The following NPEPPS variants were observed in gnomAD, a reference collection of about 807,000 sequenced individuals.
The protein encoded by NPEPPS is aminopeptidase puromycin sensitive.
Under a neutral mutation model 115.5 loss-of-function variants are expected in NPEPPS, and 14 were observed. The ratio of observed to expected loss-of-function variants is 0.12; its 90% CI spans 0.08 to 0.19. NPEPPS has a LOEUF of 0.19. NPEPPS is among the 10% of genes least tolerant of loss of function. The probability of loss-of-function intolerance (pLI) is 1.00; values close to 1 mark genes in which losing one functional copy is unlikely to be tolerated. For missense variants in NPEPPS, 523 were observed against 1,110.8 expected (o/e 0.47, Z 7.52); for synonymous variants, 285 against 390.6 (o/e 0.73, Z 3.19).
At chr17:47,571,087 T>A (rs1911163525) in intron 3 of NPEPPS, among the ~76,000 whole-genome samples, 1 of 152,206 alleles carries the variant, frequency 6.6e-6, no homozygotes. Context: ...GATATATATC[T>A]ATATAGTGAA....
At position 47,605,468 on chromosome 17, in the gene NPEPPS, T is replaced by G; in HGVS notation, c.2011T>G (p.Phe671Val). The change falls in exon 17 of 23, where the codon TTC becomes GTC. Residue 671 changes from phenylalanine (F) to valine (V), a missense_variant. Around this residue, in one of 4 missense-constraint regions of NPEPPS, gnomAD observed 372 missense variants for 542.6 expected, o/e 0.69. Transcript: ENST00000322157. ...CTCAACTCTCTTGTCCCACACAGAC[T>G]TCTATGAGGAAATCCAGGAGTTTGT... ...ILSTLLSHTD[F>V]YEEIQEFVKD... The G allele has an allele frequency of 6.2e-7, 1 of 1,608,226 alleles. No individual in the cohort carries two copies. Among genetic ancestry groups the G allele is most frequent in the East Asian group, 2.2e-5 (1 of 44,836 alleles).
chr17:47,588,459 G>A (rs1912320074), intron 9 of NPEPPS, among the ~76,000 whole-genome samples: 1 of 151,838 alleles, frequency 6.6e-6, no homozygotes, highest in African/African-American at 2.4e-5. Flanking sequence ...AGCTACTCTG[G>A]AGGTTGAGGC....
At chr17:47,584,550 A>C (rs951439082) in intron 5 of NPEPPS, among the ~76,000 whole-genome samples, 6 of 152,206 alleles carry the variant, frequency 3.9e-5, no homozygotes, top group African/African-American at 7.2e-5. Context: ...TATTCTTAGA[A>C]GAGGAGGCTA....
Position 47,592,540 on chromosome 17 carries a change from C to T in NPEPPS, c.1421C>T (p.Ala474Val). 1 of 1,594,438 alleles carries T rather than the reference C, an allele frequency of 6.3e-7. No homozygotes were observed. Among genetic ancestry groups the T allele is most frequent in the South Asian group, 1.1e-5 (1 of 87,664 alleles). The change falls in exon 12 of 23, where the codon GCC becomes GTC. Residue 474 changes from alanine (A) to valine (V), a missense_variant. Around this residue, in one of 4 missense-constraint regions of NPEPPS, gnomAD observed 372 missense variants for 542.6 expected, o/e 0.69. Coordinates refer to ENST00000322157, the MANE Select transcript of NPEPPS (RefSeq NM_006310.4). ...ACCAAGTTCCAACAAAAGAATGCTG[C>T]CACAGGTAATCTCTAATAGCTTGAG... ...YLTKFQQKNAATEDLWESLEN... is the reference protein window; with the variant it reads ...YLTKFQQKNAVTEDLWESLEN...
intron 13 of NPEPPS, among the ~76,000 whole-genome samples, 171 bp from the exon 14 acceptor site, chr17:47,599,505 C>A (rs1238151413): frequency 1.3e-5 from 2 of 152,184 alleles, no homozygotes; most frequent in East Asian, 3.8e-4. Flanking sequence ...TTGGACTTTT[C>A]TCTTTAGTAT....
rs1405332797 is a variant in NPEPPS at position 47,560,828 on chromosome 17, A to G, written c.341-8589A>G. Among the ~76,000 whole-genome samples the G allele has an allele frequency of 2.0e-5, 3 of 152,364 alleles. No homozygotes were observed. The East Asian group carries it at 5.8e-4, about 29-fold the overall frequency. ...AAGTTGCTATCTGAATAAAAAAACA[A>G]AACAAAACCTCACAATGTGTTTGAT... On this transcript the variant is annotated intron_variant, in intron 2 of 22. Coordinates refer to ENST00000322157, the MANE Select transcript of NPEPPS (RefSeq NM_006310.4).
intron 2 of NPEPPS, among the ~76,000 whole-genome samples, chr17:47,552,805 TA>T (rs1474049802): frequency 6.6e-6 from 1 of 152,194 alleles, no homozygotes; most frequent in Non-Finnish European, 1.5e-5. Context: ...TTAATAGTGA[TA>T]ATTATAAAAA....
chr17:47,561,555 A>G (rs1481418907), intron 2 of NPEPPS, among the ~76,000 whole-genome samples: 1 of 152,168 alleles, frequency 6.6e-6, no homozygotes, highest in Non-Finnish European at 1.5e-5. Context: ...GATCAATAAA[A>G]GTGAAAGATG....
At chr17:47,616,654 A>G (rs1218708653) in intron 19 of NPEPPS, among the ~76,000 whole-genome samples, 1 of 151,544 alleles carries the variant, frequency 6.6e-6, no homozygotes, top group Non-Finnish European at 1.5e-5. Context: ...ATTGCACTCC[A>G]GCCTGGGTGA....
chr17:47,549,749 C>A (rs1909497685), intron 2 of NPEPPS, among the ~76,000 whole-genome samples: 1 of 142,228 alleles, frequency 7.0e-6, no homozygotes, highest in African/African-American at 2.6e-5. Context: ...CCACTGCACT[C>A]CAGCCTGGGC....
chr17:47,570,927 G>A (rs1343971227), intron 3 of NPEPPS, among the ~76,000 whole-genome samples: 1 of 152,134 alleles, frequency 6.6e-6, no homozygotes, highest in Non-Finnish European at 1.5e-5. Flanking sequence ...CTTTGACCCA[G>A]CAATTCTGCT....
At chr17:47,537,383 C>T (rs1908377396) in intron 1 of NPEPPS, among the ~76,000 whole-genome samples, 1 of 151,946 alleles carries the variant, frequency 6.6e-6, no homozygotes, top group African/African-American at 2.4e-5. Flanking sequence ...CCCTTTGAGG[C>T]CCTTAGACAT....
intron 17 of NPEPPS, among the ~76,000 whole-genome samples, chr17:47,610,665 A>AACC (rs1168337601): frequency 6.6e-6 from 1 of 151,172 alleles, no homozygotes; most frequent in Non-Finnish European, 1.5e-5. Context: ...TACAGGCGTG[A>AACC]ACCACCACAC....
intron 5 of NPEPPS, among the ~76,000 whole-genome samples, chr17:47,585,037 C>G (rs924908616): frequency 6.6e-6 from 1 of 152,074 alleles, no homozygotes; most frequent in African/African-American, 2.4e-5. Context: ...CCATGTTAGC[C>G]AGGATGGTCT....
intron 18 of NPEPPS, among the ~76,000 whole-genome samples, chr17:47,613,467 A>C (rs1914004171): frequency 6.6e-6 from 1 of 151,850 alleles, no homozygotes; most frequent in Non-Finnish European, 1.5e-5. Flanking sequence ...GGGTTTCACC[A>C]TGTTGACCAG....
At chr17:47,561,450 G>A (rs1288720674) in intron 2 of NPEPPS, among the ~76,000 whole-genome samples, 27 of 151,290 alleles carry the variant, frequency 1.8e-4, no homozygotes, top group Admixed American at 1.8e-3. Flanking sequence ...CATAGTCCCT[G>A]TTATTTCCTA....
chr17:47,562,045 G>T (rs768590903), intron 2 of NPEPPS, among the ~76,000 whole-genome samples: 1 of 152,242 alleles, frequency 6.6e-6, no homozygotes, highest in Non-Finnish European at 1.5e-5. Context: ...TGCACCCAGG[G>T]AGGGTATGAG....
intron 1 of NPEPPS, among the ~76,000 whole-genome samples, chr17:47,535,530 A>G (rs1908168054): frequency 6.9e-6 from 1 of 145,470 alleles, no homozygotes; most frequent in Non-Finnish European, 1.5e-5. Flanking sequence ...AGCCTGGGTG[A>G]CAGAGCGAGG....
chr17:47,605,400 A>G lies in NPEPPS; in HGVS notation c.1943A>G (p.Asn648Ser), dbSNP rs1477386735. Reference protein sequence around the residue: ...KVMEAFVNEPNYTVWSDLSCN... With the variant: ...KVMEAFVNEPSYTVWSDLSCN... Reference sequence around the variant, plus strand: ...ATGGAGGCTTTTGTGAATGAGCCCAATTATACTGTATGGAGCGACCTGAGC... The same window carrying G: ...ATGGAGGCTTTTGTGAATGAGCCCAGTTATACTGTATGGAGCGACCTGAGC... The change falls in exon 17 of 23, where the codon AAT becomes AGT. Residue 648 changes from asparagine to serine, a missense_variant. Physicochemically the swap from Asn to Ser is conservative, Grantham distance 46. This residue lies in a region of NPEPPS where 372 missense variants were observed against 542.6 expected (regional missense o/e 0.69). Transcript: ENST00000322157. 1.3e-5 allele frequency: 21 copies of G among 1,611,304 alleles called. No individual in the cohort carries two copies. The highest frequency in any genetic ancestry group is 5.0e-5 in the Admixed American group (3 of 59,642).
Sources: gnomAD v4.1 joint callset for allele counts (sites outside exome capture counted in the v4.1 genomes callset) on GRCh38, gnomAD v4.1.1 for gene constraint, gnomAD v4.1.1 regional missense constraint, MANE v1.5 for transcripts, NCBI Gene and HGNC (gene_info 2026-07-23, HGNC 2026-07-21) for gene names.